DRC8: variants seen among roughly 807,000 people sequenced by gnomAD.
DRC8 encodes the protein dynein regulatory complex subunit 8.
the DRC8 span, among the ~76,000 whole-genome samples, chr1:245,073,281 A>G: frequency 1.3e-5 from 2 of 152,044 alleles, no homozygotes; most frequent in Admixed American, 1.3e-4. Flanking sequence ...GACTACAGGC[A>G]TGCACCACCA....
chr1:245,093,623 G>A, the DRC8 span, among the ~76,000 whole-genome samples: 2 of 151,094 alleles, frequency 1.3e-5, no homozygotes, highest in African/African-American at 4.9e-5. Flanking sequence ...TTGAACCCGG[G>A]AGATAGAGGT....
At chr1:245,084,360 C>G in the DRC8 span, among the ~76,000 whole-genome samples, 1 of 152,114 alleles carries the variant, frequency 6.6e-6, no homozygotes, top group South Asian at 2.1e-4. Flanking sequence ...GGTAAAAATT[C>G]CCTTTTAAAG....
At chr1:245,051,503 G>GGGA in the DRC8 span, among the ~76,000 whole-genome samples, 2 of 152,274 alleles carry the variant, frequency 1.3e-5, no homozygotes, top group South Asian at 4.1e-4. Flanking sequence ...GAGATGAGGA[G>GGGA]GGAAGGGAGG....
chr1:244,983,755 A>G, the DRC8 span, among the ~76,000 whole-genome samples: 1 of 151,830 alleles, frequency 6.6e-6, no homozygotes, highest in African/African-American at 2.4e-5. Flanking sequence ...AAAAAAAAAA[A>G]AAAAGTAACC....
the DRC8 span, among the ~76,000 whole-genome samples, chr1:244,994,215 T>A: frequency 3.3e-5 from 5 of 152,316 alleles, no homozygotes; most frequent in African/African-American, 4.8e-5. Context: ...ATAGAAGTTT[T>A]GGGAGTCCAA....
At chr1:245,051,743 A>C in the DRC8 span, among the ~76,000 whole-genome samples, 2 of 152,232 alleles carry the variant, frequency 1.3e-5, no homozygotes, top group Non-Finnish European at 2.9e-5. Context: ...GAATATTTTA[A>C]GGCAAAAGAG....
chr1:245,068,390 A>G, the DRC8 span, among the ~76,000 whole-genome samples: 1 of 151,986 alleles, frequency 6.6e-6, no homozygotes. Flanking sequence ...ACTTCCTTAC[A>G]TATTATTTTT....
chr1:245,044,717 C>A, the DRC8 span, among the ~76,000 whole-genome samples: 11 of 152,054 alleles, frequency 7.2e-5, no homozygotes, highest in Admixed American at 2.0e-4. Context: ...CAGGCGCCTG[C>A]CACCACGCCT....
At chr1:245,112,578 G>A in the DRC8 span, among the ~76,000 whole-genome samples, 3 of 152,186 alleles carry the variant, frequency 2.0e-5, no homozygotes, top group East Asian at 1.9e-4. Flanking sequence ...TAACTGTGGT[G>A]GAATATACAT....
the DRC8 span, among the ~76,000 whole-genome samples, chr1:245,014,998 A>G: frequency 2.0e-5 from 3 of 152,160 alleles, no homozygotes; most frequent in Non-Finnish European, 4.4e-5. Context: ...CTGATTTTAA[A>G]ATTTCCTATT....
At chr1:245,008,569 A>T in the DRC8 span, among the ~76,000 whole-genome samples, 4 of 152,124 alleles carry the variant, frequency 2.6e-5, no homozygotes, top group Non-Finnish European at 4.4e-5. Context: ...GTAACTGTTC[A>T]TGCAGAAATG....
chr1:245,109,144 G>A, the DRC8 span, among the ~76,000 whole-genome samples: 2 of 152,154 alleles, frequency 1.3e-5, no homozygotes, highest in Admixed American at 1.3e-4. Flanking sequence ...ATGCCTCAGA[G>A]ATATCCTGCC....
chr1:245,009,473 T>A, the DRC8 span, among the ~76,000 whole-genome samples: 3 of 149,546 alleles, frequency 2.0e-5, no homozygotes, highest in East Asian at 5.9e-4. Flanking sequence ...CCAAACGATT[T>A]TTTTTTTTTT....
chr1:244,972,007 A>G, the DRC8 span, among the ~76,000 whole-genome samples: 14,077 of 148,172 alleles, frequency 0.095, 829 homozygotes, highest in East Asian at 0.25. Flanking sequence ...CAAGGTAATT[A>G]TGGATATTTA....
At chr1:244,976,518 C>T in the DRC8 span, among the ~76,000 whole-genome samples, 2 of 152,036 alleles carry the variant, frequency 1.3e-5, no homozygotes, top group Non-Finnish European at 2.9e-5. Flanking sequence ...TGTTTTTGCT[C>T]TGATATATAA....
At chr1:244,970,231 C>T in the DRC8 span, 1 of 752,870 alleles carries the variant, frequency 1.3e-6, no homozygotes, top group Non-Finnish European at 2.3e-6. Flanking sequence ...AGGGTCGTGG[C>T]GCGAAACGGG....
Sources: gnomAD v4.1 joint callset for allele counts (sites outside exome capture counted in the v4.1 genomes callset) on GRCh38, gnomAD v4.1.1 for gene constraint, MANE v1.5 for transcripts, NCBI Gene and HGNC (gene_info 2026-07-23, HGNC 2026-07-21) for gene names.